The following RIT2 variants were observed in gnomAD, a reference collection of about 807,000 sequenced individuals.
RIT2 encodes the protein Ras like without CAAX 2, also known as GTP-binding protein Rit2.
In RIT2, 24 loss-of-function variants were observed where a neutral mutation model predicts 23.7. That is an observed-to-expected ratio of 1.01 (90% CI 0.73 to 1.43). RIT2 has a LOEUF of 1.43. RIT2 is among the 40% of genes most tolerant of loss of function. The pLI, the probability that RIT2 is intolerant of heterozygous loss-of-function variation, is 0.00. For synonymous variants in RIT2, 107 were observed against 91.1 expected, an observed-to-expected ratio of 1.17 and a Z score of -0.99; for missense variants, 236 against 266.9, an observed-to-expected ratio of 0.88 and a Z score of 0.81.
chr18:43,086,738 G>T (rs1913291361), intron 1 of RIT2, among the ~76,000 whole-genome samples: 1 of 152,138 alleles, frequency 6.6e-6, no homozygotes, highest in South Asian at 2.1e-4. Context: ...AGGAAGCCTG[G>T]GGATGCTAAC....
chr18:42,858,307 T>C (rs536822907), intron 4 of RIT2, among the ~76,000 whole-genome samples: 1 of 152,344 alleles, frequency 6.6e-6, no homozygotes, highest in East Asian at 1.9e-4. Context: ...TATGAATACC[T>C]GTTCTGCTCT....
chr18:42,904,952 A>G (rs1031147319), intron 4 of RIT2, among the ~76,000 whole-genome samples: 1 of 152,196 alleles, frequency 6.6e-6, no homozygotes, highest in Non-Finnish European at 1.5e-5. Flanking sequence ...AATAACTAGG[A>G]CATAGAAAGA....
chr18:42,826,300 A>G (rs1880320370), intron 4 of RIT2, among the ~76,000 whole-genome samples: 1 of 152,076 alleles, frequency 6.6e-6, no homozygotes, highest in East Asian at 1.9e-4. Context: ...AAGACCATTC[A>G]CGTATTAAGT....
intron 4 of RIT2, among the ~76,000 whole-genome samples, chr18:42,894,142 T>A (rs528112812): frequency 6.6e-6 from 1 of 152,178 alleles, no homozygotes; most frequent in African/African-American, 2.4e-5. Flanking sequence ...CCTCCCTATA[T>A]ATCCTGTGGT....
At chr18:42,830,510 C>A (rs1398165784) in intron 4 of RIT2, among the ~76,000 whole-genome samples, 1 of 152,098 alleles carries the variant, frequency 6.6e-6, no homozygotes, top group African/African-American at 2.4e-5. Flanking sequence ...AGGAATAACC[C>A]AGGGGAAATT....
In RIT2 at chr18:42,759,752, C is replaced by G. The variant is rs1913255463; in HGVS notation, c.427-16032G>C. The stretch of plus-strand genomic sequence containing the variant: ...ACACACACACACACACACACACACA[C>G]ACATACGGATATATATATATATATA... On this transcript the variant is annotated intron_variant, in intron 4 of 4. Coordinates refer to ENST00000326695, the MANE Select transcript of RIT2 (RefSeq NM_002930.4). 7.7e-5 allele frequency among the ~76,000 whole-genome samples: 8 copies of G among 103,618 alleles called. No homozygotes were observed. In the Admixed American group the frequency reaches 7.9e-4, roughly 10 times the overall value. The allele number at this position is 103,618 out of a possible 152,430, so 68.0% of individuals were successfully genotyped here.
chr18:43,049,037 G>A (rs915166777), intron 1 of RIT2, among the ~76,000 whole-genome samples: 2 of 152,140 alleles, frequency 1.3e-5, no homozygotes, highest in African/African-American at 2.4e-5. Context: ...GGTTAGGGTT[G>A]TTTTCTGTTG....
chr18:42,787,993 A>G (rs1291359900), intron 4 of RIT2, among the ~76,000 whole-genome samples: 1 of 151,492 alleles, frequency 6.6e-6, no homozygotes, highest in Non-Finnish European at 1.5e-5. Context: ...TGTTAATAAA[A>G]GTTTAAAATT....
intron 4 of RIT2, among the ~76,000 whole-genome samples, chr18:42,861,792 T>C: frequency 6.6e-6 from 1 of 152,312 alleles, no homozygotes; most frequent in Middle Eastern, 3.4e-3. Flanking sequence ...AATTATCCAA[T>C]ACACCTCCTC....
At chr18:42,874,135 C>T (rs1294182112) in intron 4 of RIT2, among the ~76,000 whole-genome samples, 1 of 152,154 alleles carries the variant, frequency 6.6e-6, no homozygotes, top group African/African-American at 2.4e-5. Flanking sequence ...CTTGGAGAGG[C>T]TTAAACAATC....
chr18:43,058,658 G>T (rs1912567150), intron 1 of RIT2, among the ~76,000 whole-genome samples: 1 of 152,052 alleles, frequency 6.6e-6, no homozygotes, highest in Non-Finnish European at 1.5e-5. Flanking sequence ...AGGCCAAGAT[G>T]GGCAGCTTGC....
At chr18:42,753,857 G>C (rs970998720) in intron 4 of RIT2, among the ~76,000 whole-genome samples, 8 of 152,050 alleles carry the variant, frequency 5.3e-5, no homozygotes, top group African/African-American at 1.4e-4. Context: ...TATTTAATAC[G>C]AGAGTTACTT....
At chr18:42,863,169 C>G (rs908191950) in intron 4 of RIT2, among the ~76,000 whole-genome samples, 4 of 152,032 alleles carry the variant, frequency 2.6e-5, no homozygotes, top group Non-Finnish European at 5.9e-5. Context: ...CCTCTGGTCA[C>G]AGATTATAGA....
chr18:42,940,272 A>ATATATG (rs1355978237), intron 3 of RIT2, among the ~76,000 whole-genome samples: 1 of 142,192 alleles, frequency 7.0e-6, no homozygotes, highest in Non-Finnish European at 1.5e-5. Flanking sequence ...ATATATATGC[A>ATATATG]CACACACATT....
intron 2 of RIT2, among the ~76,000 whole-genome samples, chr18:42,999,384 A>G (rs1215296982): frequency 6.6e-6 from 1 of 152,046 alleles, no homozygotes; most frequent in African/African-American, 2.4e-5. Context: ...GTTTCCTTAA[A>G]CTGCAATGTG....
chr18:42,979,936 C>G (rs149318517), intron 2 of RIT2, among the ~76,000 whole-genome samples: 1 of 152,196 alleles, frequency 6.6e-6, no homozygotes, highest in East Asian at 1.9e-4. Flanking sequence ...TCAGAGAACA[C>G]TCAGAGGAAC....
intron 4 of RIT2, among the ~76,000 whole-genome samples, chr18:42,795,287 T>G (rs1413151936): frequency 1.3e-5 from 2 of 152,064 alleles, no homozygotes; most frequent in Non-Finnish European, 2.9e-5. Context: ...GTGCAGTGCT[T>G]GCGGGCCAGC....
intron 3 of RIT2, among the ~76,000 whole-genome samples, chr18:42,972,993 A>G (rs1251427195): frequency 6.6e-6 from 1 of 151,860 alleles, no homozygotes; most frequent in Non-Finnish European, 1.5e-5. Flanking sequence ...TAAATATTAT[A>G]GATTAGAATT....
At chr18:42,827,571 T>C (rs1906330715) in intron 4 of RIT2, among the ~76,000 whole-genome samples, 1 of 151,636 alleles carries the variant, frequency 6.6e-6, no homozygotes, top group African/African-American at 2.4e-5. Flanking sequence ...AAAAAGGGAA[T>C]GGGCAAGGAA....
Sources: gnomAD v4.1 joint callset for allele counts (sites outside exome capture counted in the v4.1 genomes callset) on GRCh38, gnomAD v4.1.1 for gene constraint, MANE v1.5 for transcripts, NCBI Gene and HGNC (gene_info 2026-07-23, HGNC 2026-07-21) for gene names.